ZNF236: variants seen among roughly 807,000 people sequenced by gnomAD.
ZNF236 encodes the protein zinc finger protein 236, also known as regulated by glucose.
In ZNF236, 50 loss-of-function variants were observed where a neutral mutation model predicts 191.2. The ratio of observed to expected loss-of-function variants is 0.26; its 90% CI spans 0.21 to 0.33. The LOEUF (loss-of-function observed/expected upper bound fraction) is 0.33. Among genes scored for constraint, ZNF236 ranks in the 10% least tolerant of loss-of-function variants. The pLI, the probability that ZNF236 is intolerant of heterozygous loss-of-function variation, is 1.00. For missense variants in ZNF236, 1,754 were observed against 2,374.5 expected (o/e 0.74, Z 5.43); for synonymous variants, 907 against 928.8 (o/e 0.98, Z 0.43).
chr18:76,937,217 G>T lies in ZNF236; in HGVS notation c.4656G>T (p.Ser1552=). Residue 1552 remains serine (S), a synonymous_variant, in exon 26 of 31, where the codon TCG becomes TCT. Transcript: ENST00000320610. ...CACCGATGTCTCCATCGGCCATCTC[G>T]ACTCAGAACCTGGTCATGTCCTCGT... ...STTPMSPSAI[S]TQNLVMSSSG... is the part of the protein sequence containing the mutation. 6.2e-7 allele frequency: 1 copy of T among 1,614,094 alleles called. No homozygotes were observed. The highest frequency in any genetic ancestry group is 1.1e-5 in the South Asian group (1 of 91,060).
At chr18:76,922,563 T>C (rs1301403651) in intron 20 of ZNF236, among the ~76,000 whole-genome samples, 2 of 150,414 alleles carry the variant, frequency 1.3e-5, no homozygotes, top group African/African-American at 4.9e-5. Context: ...AAATTGTCTT[T>C]TTTTTTTTTT....
chr18:76,840,333 A>G (rs186105261), intron 1 of ZNF236, among the ~76,000 whole-genome samples: 1 of 152,256 alleles, frequency 6.6e-6, no homozygotes, highest in Non-Finnish European at 1.5e-5. Context: ...CATCTCTACT[A>G]AAAATACAAA....
intron 1 of ZNF236, among the ~76,000 whole-genome samples, chr18:76,837,476 T>G (rs1975371542): frequency 6.7e-6 from 1 of 149,146 alleles, no homozygotes; most frequent in Non-Finnish European, 1.5e-5. Flanking sequence ...GTTTCACTCT[T>G]GTTGCCCAGG....
intron 5 of ZNF236, among the ~76,000 whole-genome samples, chr18:76,874,028 T>C (rs1483996752): frequency 5.0e-5 from 7 of 139,392 alleles, no homozygotes; most frequent in South Asian, 2.3e-4. Context: ...TGCCTGCCTG[T>C]CCTCCTCTCC....
Position 76,868,635 on chromosome 18 carries a change from G to T in ZNF236, c.364-50G>T, listed in dbSNP as rs199660678. Reference sequence around the variant, plus strand: ...CGTTGATCATACCAGTTCTTTGAAGGAGTGGTTTTGAAAGGTTTGCTCTGC... The same window carrying T: ...CGTTGATCATACCAGTTCTTTGAAGTAGTGGTTTTGAAAGGTTTGCTCTGC... On this transcript the variant is annotated intron_variant, in intron 3 of 30. Transcript: ENST00000320610. The T allele has an allele frequency of 3.4e-4, 506 of 1,475,026 alleles. No individual in the cohort carries two copies. In the African/African-American group the frequency reaches 6.2e-3, roughly 18 times the overall value. 91.4% of individuals were successfully genotyped at this position (1,475,026 alleles called of 1,614,324 possible).
At chr18:76,824,079 C>T in intron 1 of ZNF236, 3 of 523,536 alleles carry the variant, frequency 5.7e-6, no homozygotes, top group Non-Finnish European at 1.0e-5. Flanking sequence ...TCAAGTGTTC[C>T]CCTTTTCTTG....
chr18:76,833,952 A>G (rs1482446550), intron 1 of ZNF236, among the ~76,000 whole-genome samples: 1 of 152,096 alleles, frequency 6.6e-6, no homozygotes, highest in Non-Finnish European at 1.5e-5. Context: ...CGGCCTCCCA[A>G]ACTGCTGGGA....
At chr18:76,936,125 A>G in intron 25 of ZNF236, 1 of 454,050 alleles carries the variant, frequency 2.2e-6, no homozygotes, top group Non-Finnish European at 4.4e-6. Flanking sequence ...GATGTGACCC[A>G]AGTCACAGCA....
chr18:76,923,034 T>C, intron 20 of ZNF236, 37 bp from the exon 21 acceptor site: 3 of 1,440,370 alleles, frequency 2.1e-6, no homozygotes, highest in South Asian at 1.2e-5. Context: ...CATGAAGTCG[T>C]TTGTCAATAT....
At chr18:76,843,500 G>A (rs943634275) in intron 1 of ZNF236, among the ~76,000 whole-genome samples, 3 of 151,970 alleles carry the variant, frequency 2.0e-5, no homozygotes, top group African/African-American at 7.3e-5. Context: ...AGAAGAGGCC[G>A]GGCACAGTGG....
chr18:76,846,878 T>C (rs1253703241), intron 1 of ZNF236, among the ~76,000 whole-genome samples: 1 of 151,928 alleles, frequency 6.6e-6, no homozygotes. Flanking sequence ...CACTGCAACC[T>C]CTGCCTCCTG....
intron 1 of ZNF236, among the ~76,000 whole-genome samples, chr18:76,832,860 A>G (rs929106721): frequency 6.6e-6 from 1 of 151,974 alleles, no homozygotes; most frequent in Non-Finnish European, 1.5e-5. Flanking sequence ...TCTAAACATG[A>G]TCTCTCCTAT....
chr18:76,843,873 G>T (rs914637285), intron 1 of ZNF236, among the ~76,000 whole-genome samples: 20 of 150,742 alleles, frequency 1.3e-4, no homozygotes, highest in Admixed American at 3.3e-4. Flanking sequence ...GTAGAAGGGA[G>T]TTTTAAATAA....
rs374231604 is a variant in ZNF236 at position 76,959,631 on chromosome 18, C to T, written c.5113-56C>T. 624 of 1,545,440 alleles carry T rather than the reference C, an allele frequency of 4.0e-4. 7 individuals carry two copies. In the South Asian group the frequency reaches 7.2e-3, roughly 18 times the overall value. ...TGCAGTGATTTGCTTCCTCTTGTTT[C>T]TAGTCTCGAAAGCTGTTTTGATCTT... On this transcript the variant is annotated intron_variant, in intron 28 of 30. Coordinates refer to ENST00000320610, the MANE Select transcript of ZNF236 (RefSeq NM_001306089.2).
intron 2 of ZNF236, among the ~76,000 whole-genome samples, chr18:76,851,490 A>T (rs1331498817): frequency 1.3e-5 from 2 of 152,226 alleles, no homozygotes; most frequent in Non-Finnish European, 2.9e-5. Flanking sequence ...TTTCATTGTC[A>T]AACACTTATA....
chr18:76,904,669 A>G (rs1977691124), intron 12 of ZNF236, 148 bp downstream of exon 12: 5 of 659,548 alleles, frequency 7.6e-6, no homozygotes, highest in African/African-American at 1.9e-5. Context: ...GGTAATTAAT[A>G]TTTTTATTCT....
intron 1 of ZNF236, among the ~76,000 whole-genome samples, chr18:76,822,965 C>T (rs1337399584): frequency 1.3e-4 from 19 of 148,638 alleles, no homozygotes; most frequent in African/African-American, 4.4e-4. Flanking sequence ...GCGCGCCCTG[C>T]CCCCGCTGGC....
intron 1 of ZNF236, chr18:76,834,650 T>C (rs1156769830): frequency 2.2e-6 from 1 of 448,670 alleles, no homozygotes; most frequent in Non-Finnish European, 4.3e-6. Flanking sequence ...CCATTCAATG[T>C]AGAGGACATA....
chr18:76,964,417 T>A (rs1199158786), intron 30 of ZNF236, among the ~76,000 whole-genome samples: 2 of 152,224 alleles, frequency 1.3e-5, no homozygotes, highest in African/African-American at 4.8e-5. Flanking sequence ...CACTGTGGTC[T>A]GAGAGAGAGC....
Sources: allele counts gnomAD v4.1 joint callset (sites outside exome capture counted in the v4.1 genomes callset), GRCh38; gene constraint gnomAD v4.1.1; transcripts MANE v1.5; gene names NCBI Gene and HGNC (gene_info 2026-07-23, HGNC 2026-07-21).